CADPS: variants seen among roughly 807,000 people sequenced by gnomAD.
The protein encoded by CADPS is calcium-dependent secretion activator 1.
In CADPS, 57 loss-of-function variants were observed where a neutral mutation model predicts 167.3. The observed-to-expected ratio is 0.34, with a 90% CI of 0.28 to 0.42. CADPS has a LOEUF of 0.42. Among genes scored for constraint, CADPS ranks in the 20% least tolerant of loss-of-function variants. The probability of loss-of-function intolerance (pLI) is 1.00; values close to 1 mark genes in which losing one functional copy is unlikely to be tolerated. For missense variants in CADPS, 1,414 were observed against 1,738.1 expected (o/e 0.81, Z 3.32); for synonymous variants, 676 against 635.3 (o/e 1.06, Z -0.96).
intron 3 of CADPS, among the ~76,000 whole-genome samples, chr3:62,669,152 C>T (rs189043598): frequency 2.3e-4 from 35 of 152,304 alleles, no homozygotes; most frequent in Non-Finnish European, 3.7e-4. Context: ...CTTGTTTTCT[C>T]GCTACTTTGC....
intron 3 of CADPS, among the ~76,000 whole-genome samples, chr3:62,749,830 G>A (rs2082300199): frequency 6.6e-6 from 1 of 152,146 alleles, no homozygotes; most frequent in South Asian, 2.1e-4. Flanking sequence ...TATTTTCAGG[G>A]ATGGAGTCAG....
intron 24 of CADPS, chr3:62,466,718 T>C (rs1025270087): frequency 2.7e-6 from 1 of 367,484 alleles, no homozygotes; most frequent in Non-Finnish European, 5.1e-6. Context: ...CAGCAGTGTG[T>C]TGATTTGGAT....
chr3:62,497,529 G>A (rs372670005), intron 18 of CADPS, among the ~76,000 whole-genome samples: 9 of 152,176 alleles, frequency 5.9e-5, no homozygotes, highest in East Asian at 3.9e-4. Context: ...ATAGGATAGC[G>A]TAGGAAAAAT....
intron 17 of CADPS, among the ~76,000 whole-genome samples, chr3:62,502,824 A>C (rs1240903503): frequency 6.6e-6 from 1 of 152,182 alleles, no homozygotes; most frequent in East Asian, 1.9e-4. Context: ...GAGGAGGCCC[A>C]GGATGTGGCA....
intron 24 of CADPS, among the ~76,000 whole-genome samples, chr3:62,472,061 A>G (rs2060689542): frequency 6.6e-6 from 1 of 152,238 alleles, no homozygotes; most frequent in East Asian, 1.9e-4. Context: ...AGCATGGATA[A>G]ATCTTGAAAA....
intron 9 of CADPS, 95 bp from the exon 10 acceptor site, chr3:62,557,608 AG>A: frequency 1.0e-6 from 1 of 957,528 alleles, no homozygotes; most frequent in African/African-American, 1.6e-5. Context: ...ATCTGGACTG[AG>A]TGGCTGGGTT....
chr3:62,831,708 A>G (rs2075126422), intron 1 of CADPS, among the ~76,000 whole-genome samples: 1 of 152,212 alleles, frequency 6.6e-6, no homozygotes, highest in South Asian at 2.1e-4. Flanking sequence ...GCTAAAAAAT[A>G]TTTGCTGAAT....
intron 7 of CADPS, among the ~76,000 whole-genome samples, chr3:62,592,428 T>C (rs1007285990): frequency 6.6e-6 from 1 of 152,282 alleles, no homozygotes; most frequent in East Asian, 1.9e-4. Context: ...CTCTTGTTAG[T>C]CCAGCTTTGT....
In CADPS at chr3:62,491,557, AAAC is replaced by A. The variant is rs2063721366; in HGVS notation, c.2885-80_2885-78del. 3.0e-3 allele frequency: 2,713 copies of A among 898,236 alleles called. 1 individual carries two copies. The highest frequency in any genetic ancestry group is 9.4e-3 in the East Asian group (313 of 33,192). 55.6% of individuals were successfully genotyped at this position (898,236 alleles called of 1,614,324 possible). On this transcript the variant is annotated intron_variant, in intron 20 of 29. Coordinates refer to ENST00000383710, the MANE Select transcript of CADPS (RefSeq NM_003716.4). ...GTACAACACACACACACACACACAC[AAAC>A]ACACACACACACACACACACACACA... is the stretch of plus-strand genomic sequence containing the variant.
At chr3:62,518,897 G>A (rs1271825030) in intron 13 of CADPS, among the ~76,000 whole-genome samples, 4 of 152,058 alleles carry the variant, frequency 2.6e-5, no homozygotes, top group African/African-American at 4.8e-5. Context: ...TCATGTATTC[G>A]TTGAAGAACA....
intron 3 of CADPS, among the ~76,000 whole-genome samples, chr3:62,670,937 G>C (rs1021051607): frequency 6.6e-6 from 1 of 152,176 alleles, no homozygotes; most frequent in Non-Finnish European, 1.5e-5. Context: ...CTGTGCCTTA[G>C]CTCTCTCTTC....
At chr3:62,529,311 C>A (rs528850971) in intron 13 of CADPS, among the ~76,000 whole-genome samples, 1 of 152,208 alleles carries the variant, frequency 6.6e-6, no homozygotes, top group Admixed American at 6.5e-5. Flanking sequence ...AGTCAAGATC[C>A]CTTTAGTTAG....
intron 1 of CADPS, among the ~76,000 whole-genome samples, chr3:62,766,950 C>T (rs746269884): frequency 1.4e-4 from 21 of 152,074 alleles, no homozygotes; most frequent in Non-Finnish European, 2.8e-4. Flanking sequence ...GAAGTTTTCC[C>T]AGGGCATAGC....
chr3:62,760,275 G>A (rs181553926), intron 2 of CADPS, among the ~76,000 whole-genome samples: 1 of 152,172 alleles, frequency 6.6e-6, no homozygotes, highest in Non-Finnish European at 1.5e-5. Context: ...TTAGTCTTGA[G>A]AGCAATTAGG....
chr3:62,563,557 A>G (rs946353611), intron 9 of CADPS, among the ~76,000 whole-genome samples: 1 of 152,168 alleles, frequency 6.6e-6, no homozygotes, highest in Non-Finnish European at 1.5e-5. Flanking sequence ...TTTTATTTCC[A>G]TAAGTTTTTG....
At chr3:62,855,617 A>T (rs934675701) in intron 1 of CADPS, among the ~76,000 whole-genome samples, 2 of 152,200 alleles carry the variant, frequency 1.3e-5, no homozygotes, top group Non-Finnish European at 2.9e-5. Context: ...ATTATGGTTA[A>T]CTTAAAAATA....
intron 5 of CADPS, among the ~76,000 whole-genome samples, chr3:62,647,120 G>A (rs2068766763): frequency 6.6e-6 from 1 of 152,058 alleles, no homozygotes; most frequent in South Asian, 2.1e-4. Flanking sequence ...TGAAACAAAT[G>A]ACTCACATCA....
chr3:62,703,738 A>G (rs968385412), intron 3 of CADPS, among the ~76,000 whole-genome samples: 15 of 152,162 alleles, frequency 9.9e-5, no homozygotes, highest in African/African-American at 3.1e-4. Flanking sequence ...TTCAGGATGA[A>G]AAGAAGGCAA....
rs149500162 is a variant in CADPS at position 62,496,233 on chromosome 3, A to G, written c.2707-2568T>C. 4.6e-3 allele frequency among the ~76,000 whole-genome samples: 700 copies of G among 152,092 alleles called. 5 individuals are homozygous for G. The highest frequency in any genetic ancestry group is 0.016 in the African/African-American group (655 of 41,478). On this transcript the variant is annotated intron_variant, in intron 18 of 29. Transcript: ENST00000383710. ...TTCCACTGTACTCCAGCCAGTCTTG[A>G]CCCTGGTTGTACACTGGAATCACCT...
Sources: allele counts gnomAD v4.1 joint callset (sites outside exome capture counted in the v4.1 genomes callset), GRCh38; gene constraint gnomAD v4.1.1; transcripts MANE v1.5; gene names NCBI Gene and HGNC (gene_info 2026-07-23, HGNC 2026-07-21).